Variants in AP4B1 observed in about 807,000 individuals in gnomAD.
The protein encoded by AP4B1 is adaptor related protein complex 4 subunit beta 1.
AP4B1 carries 49 observed loss-of-function variants against 76.5 expected under a neutral mutation model. That is an observed-to-expected ratio of 0.64 (90% CI 0.51 to 0.81). The LOEUF (loss-of-function observed/expected upper bound fraction) is 0.81, where lower values mean the gene tolerates loss of function less well. Ranked by LOEUF, AP4B1 falls within the 40% of genes least tolerant of loss-of-function variation. The pLI is 0.00. For missense variants in AP4B1, 911 were observed against 904.9 expected (o/e 1.01, Z -0.09); for synonymous variants, 330 against 333.3 (o/e 0.99, Z 0.11).
In AP4B1 at chr1:113,897,899, A is replaced by G; in HGVS notation, c.1243T>C (p.Cys415Arg). 6.2e-7 allele frequency: 1 copy of G among 1,614,134 alleles called. No homozygotes were observed. Among genetic ancestry groups the G allele is most frequent in the Non-Finnish European group, 8.5e-7 (1 of 1,180,018 alleles). ...AGGGCCTGACATACAGCTTCAGTAC[A>G]CTGAGGACACAACCAAACCAGGTCT... ...FRDLVWLCPQ[C>R]TEAVCQALPG... Residue 415 changes from cysteine (C) to arginine (R), a missense_variant, in exon 7 of 10, where the codon TGT (cysteine) becomes CGT (arginine). Transcript: ENST00000369569.
At position 113,897,920 on chromosome 1, in the gene AP4B1, G is replaced by A. The variant is rs375374905; in HGVS notation, c.1222C>T (p.Leu408=). ...GTACACTGAGGACACAACCAAACCA[G>A]GTCTCGGAAAGTCTGCACCACCACT... ...TTVVVQTFRD[L]VWLCPQCTEA... Residue 408 remains leucine, a synonymous_variant, in exon 7 of 10, where the codon CTG becomes TTG. Coordinates refer to ENST00000369569, the MANE Select transcript of AP4B1 (RefSeq NM_001253852.3). 2.5e-6 allele frequency: 4 copies of A among 1,614,130 alleles called. No individual in the cohort carries two copies. The African/African-American group carries it at 5.3e-5, about 22-fold the overall frequency.
chr1:113,900,111 T>C lies in AP4B1; in HGVS notation c.907A>G (p.Ile303Val). Residue 303 changes from isoleucine to valine, a missense_variant, in exon 5 of 10, where the codon ATC becomes GTC. Transcript: ENST00000369569. ...CFVALCHVRQ[I>V]LHSLPGHFSS... ...AAGTGACCTGGTAAACTATGCAAGATCTGGCGTACATGACAAAGAGCAACA... is the reference window on the plus strand; with the variant it reads ...AAGTGACCTGGTAAACTATGCAAGACCTGGCGTACATGACAAAGAGCAACA... 1 of 1,614,202 alleles carries C rather than the reference T, an allele frequency of 6.2e-7. No homozygotes were observed. Among genetic ancestry groups the C allele is most frequent in the African/African-American group, 1.3e-5 (1 of 75,044 alleles).
In AP4B1 at chr1:113,901,877, C is replaced by A. The variant is rs759341651; in HGVS notation, c.347G>T (p.Gly116Val). Residue 116 changes from glycine (G) to valine (V), a missense_variant, in exon 3 of 10, where the codon GGT (glycine) becomes GTT (valine). Physicochemically the swap from Gly to Val is moderately radical, Grantham distance 109. Transcript: ENST00000369569. ...AGGCTGTTGTATATACTCCTGCACA[C>A]CAGGCATCCTAAGCAACACATCCTG... ...LRSMCSLRMP[G>V]VQEYIQQPIL... The A allele has an allele frequency of 6.2e-7, 1 of 1,614,078 alleles. No individual in the cohort carries two copies. The highest frequency in any genetic ancestry group is 8.5e-7 in the Non-Finnish European group (1 of 1,179,996).
chr1:113,900,762 G>A, intron 4 of AP4B1: 1 of 287,716 alleles, frequency 3.5e-6, no homozygotes, highest in Non-Finnish European at 6.6e-6. Flanking sequence ...TATCAATAAG[G>A]GAAAGTAAGG....
At chr1:113,899,743 C>T (rs1667967954) in intron 5 of AP4B1, 161 bp downstream of exon 5, 1 of 1,095,452 alleles carries the variant, frequency 9.1e-7, no homozygotes. Flanking sequence ...CAAAAAAAAA[C>T]TCTCTTCCCC....
intron 4 of AP4B1, 126 bp from the exon 5 acceptor site, chr1:113,900,526 C>CATT: frequency 8.7e-7 from 1 of 1,153,930 alleles, no homozygotes; most frequent in Non-Finnish European, 1.2e-6. Context: ...TAGGCTGTGC[C>CATT]ATAATTAAGT....
intron 5 of AP4B1, chr1:113,899,698 A>G (rs1041995602): frequency 1.6e-5 from 12 of 727,730 alleles, no homozygotes; most frequent in South Asian, 7.2e-5. Flanking sequence ...TGGAAGATAC[A>G]GCAACACCAA....
intron 3 of AP4B1, 27 bp from the exon 4 acceptor site, chr1:113,901,410 T>C (rs1269476487): frequency 2.5e-6 from 4 of 1,610,602 alleles, no homozygotes; most frequent in Non-Finnish European, 3.4e-6. Flanking sequence ...AGTTCTTAGA[T>C]AAAGAAGGAA....
intron 1 of AP4B1, 48 bp downstream of exon 1, chr1:113,904,557 G>C: frequency 2.6e-6 from 4 of 1,554,308 alleles, no homozygotes; most frequent in Non-Finnish European, 3.6e-6. Flanking sequence ...GAGCCCTGAT[G>C]GGGATTGCAA....
Position 113,896,053 on chromosome 1 carries a change from C to T in AP4B1, c.1511-15G>A, listed in dbSNP as rs778261974. 1.2e-6 allele frequency: 2 copies of T among 1,614,184 alleles called. No homozygotes were observed. The highest frequency in any genetic ancestry group is 1.7e-6 in the Non-Finnish European group (2 of 1,180,022). On this transcript the variant is annotated splice_polypyrimidine_tract_variant and intron_variant, in intron 8 of 9. Transcript: ENST00000369569. ...TTTTTCTTCCTCTGAGGTAAGACAA[C>T]AGATTGACTTCATTAAAAACAAAAC...
intron 6 of AP4B1, among the ~76,000 whole-genome samples, chr1:113,898,309 T>C (rs1388968270): frequency 2.0e-5 from 3 of 152,146 alleles, no homozygotes; most frequent in African/African-American, 2.4e-5. Context: ...GGGTTCAAAA[T>C]TGAAGAAGAC....
At position 113,902,709 on chromosome 1, in the gene AP4B1, C is replaced by A; in HGVS notation, c.267G>T (p.Thr89=). The change falls in exon 2 of 10, where the codon ACG becomes ACT. Residue 89 remains threonine, a synonymous_variant. Transcript: ENST00000369569. Reference sequence around the variant, plus strand: ...TGGGGTCTGAGCAGTCTTTGCACAGCGTATTGATGGCCAGGAGAGCCAGAT... The same window carrying A: ...TGGGGTCTGAGCAGTCTTTGCACAGAGTATTGATGGCCAGGAGAGCCAGAT... ...KPDLALLAIN[T]LCKDCSDPNP... is the part of the protein sequence containing the mutation. 6.2e-7 allele frequency: 1 copy of A among 1,614,156 alleles called. No individual in the cohort carries two copies. Among genetic ancestry groups the A allele is most frequent in the Non-Finnish European group, 8.5e-7 (1 of 1,180,036 alleles).
chr1:113,904,889 T>G, upstream of AP4B1: 2 of 642,126 alleles, frequency 3.1e-6, no homozygotes, highest in Non-Finnish European at 2.8e-6. Context: ...CCTGACACAC[T>G]TCCACGCCCT....
intron 5 of AP4B1, chr1:113,899,104 AC>A (rs1432467164): frequency 2.2e-5 from 26 of 1,202,754 alleles, no homozygotes; most frequent in Non-Finnish European, 2.7e-5. Context: ...GATATGAGGT[AC>A]CCTTTTTGTT....
At chr1:113,899,102 G>A (rs1667887172) in intron 5 of AP4B1, 8 of 1,207,162 alleles carry the variant, frequency 6.6e-6, no homozygotes, top group Non-Finnish European at 8.3e-6. Context: ...CAGATATGAG[G>A]TACCCTTTTT....
At position 113,895,368 on chromosome 1, in the gene AP4B1, T is replaced by A; in HGVS notation, c.1917A>T (p.Lys639Asn). The A allele has an allele frequency of 6.2e-7, 1 of 1,614,210 alleles. No homozygotes were observed. Among genetic ancestry groups the A allele is most frequent in the Non-Finnish European group, 8.5e-7 (1 of 1,180,046 alleles). Residue 639 changes from lysine (K) to asparagine (N), a missense_variant, in exon 10 of 10, where the codon AAA becomes AAT. Transcript: ENST00000369569. ...AAGGCAACACTTGCTGATGAGCAAC[T>A]TTAAGGCTAAGCCAAGTTTTCTCAA... is the stretch of plus-strand genomic sequence containing the variant. ...DYFEKTWLSL[K>N]VAHQQVLPWR... is the part of the protein sequence containing the mutation.
chr1:113,902,836 G>A lies in AP4B1; in HGVS notation c.140C>T (p.Ser47Phe). ...CTTCACCATTTCCATAAAAACACCA[G>A]ACATGTCCAAGCCTTGAGTCATGTA... ...IRYMTQGLDM[S>F]GVFMEMVKAS... The change falls in exon 2 of 10, where the codon TCT becomes TTT. Residue 47 changes from serine to phenylalanine, a missense_variant. By Grantham distance (155) the Ser-to-Phe change is radical. Transcript: ENST00000369569. 1 of 1,614,118 alleles carries A rather than the reference G, an allele frequency of 6.2e-7. No homozygotes were observed. Among genetic ancestry groups the A allele is most frequent in the South Asian group, 1.1e-5 (1 of 91,076 alleles).
chr1:113,904,554 G>T, intron 1 of AP4B1, 51 bp downstream of exon 1: 1 of 1,546,614 alleles, frequency 6.5e-7, no homozygotes, highest in Non-Finnish European at 8.9e-7. Context: ...AGTGAGCCCT[G>T]ATGGGGATTG....
At chr1:113,904,365 T>C (rs1316268208) in intron 1 of AP4B1, among the ~76,000 whole-genome samples, 2 of 152,162 alleles carry the variant, frequency 1.3e-5, no homozygotes, top group Non-Finnish European at 2.9e-5. Flanking sequence ...CTAGCTATAT[T>C]ATAGATCCAA....
Sources: gnomAD v4.1 joint callset for allele counts (sites outside exome capture counted in the v4.1 genomes callset) on GRCh38, gnomAD v4.1.1 for gene constraint, MANE v1.5 for transcripts, NCBI Gene and HGNC (gene_info 2026-07-23, HGNC 2026-07-21) for gene names.